MLLT10: variants seen among roughly 807,000 people sequenced by gnomAD.
MLLT10 encodes the protein protein AF-10.
MLLT10 carries 30 observed loss-of-function variants against 129.1 expected under a neutral mutation model. The ratio of observed to expected loss-of-function variants is 0.23; its 90% CI spans 0.17 to 0.32. The LOEUF is 0.32. Among genes scored for constraint, MLLT10 ranks in the 10% least tolerant of loss-of-function variants. The pLI, the probability that MLLT10 is intolerant of heterozygous loss-of-function variation, is 1.00. For synonymous variants in MLLT10, 490 were observed against 446.4 expected (o/e 1.10, Z -1.23); for missense variants, 1,119 against 1,268.3 (o/e 0.88, Z 1.79).
At chr10:21,552,334 G>A (rs2037189612) in intron 3 of MLLT10, among the ~76,000 whole-genome samples, 1 of 138,638 alleles carries the variant, frequency 7.2e-6, no homozygotes, top group East Asian at 2.1e-4. Context: ...AGCTTTCCTT[G>A]TGTTTTTTTT....
chr10:21,551,685 G>A (rs1052802968), intron 3 of MLLT10: 3 of 282,360 alleles, frequency 1.1e-5, no homozygotes, highest in Middle Eastern at 1.3e-3. Context: ...TAAGAGAATT[G>A]AAAACATAGA....
At chr10:21,620,050 C>A (rs1329192140) in intron 8 of MLLT10, among the ~76,000 whole-genome samples, 1 of 151,824 alleles carries the variant, frequency 6.6e-6, no homozygotes, top group African/African-American at 2.4e-5. Context: ...CTGCCTCAGC[C>A]TCTTGAGTAG....
chr10:21,534,499 GTGAC>G lies in MLLT10; in HGVS notation c.-18_-15del. The G allele has an allele frequency of 2.5e-6, 2 of 810,868 alleles. No homozygotes were observed. Among genetic ancestry groups the G allele is most frequent in the South Asian group, 1.8e-5 (1 of 54,916 alleles). 50.2% of individuals were successfully genotyped at this position (810,868 alleles called of 1,614,324 possible). On this transcript the variant is annotated 5_prime_UTR_variant, in exon 1 of 23. Coordinates refer to ENST00000307729, the MANE Select transcript of MLLT10 (RefSeq NM_001195626.3). ...CTCCTGACTCCTGTGCGGAACGTGA[GTGAC>G]TGAGCGGCAAAGCCCGAGTGAGCGA...
rs7082271 is a variant in MLLT10 at position 21,534,314 on chromosome 10, T to G, written c.-207T>G. On this transcript the variant is annotated 5_prime_UTR_variant, in exon 1 of 23. Transcript: ENST00000307729. ...CCCCTGGCCCAGCGGGAGCCCCCCC[T>G]CCCCCCAGTGCGCCTGTGCGGAGGC... 7.7e-5 allele frequency: 24 copies of G among 312,766 alleles called. 3 individuals are homozygous for G. Among genetic ancestry groups the G allele is most frequent in the Non-Finnish European group, 1.3e-4 (22 of 169,896 alleles). 19.4% of individuals were successfully genotyped at this position (312,766 alleles called of 1,614,324 possible).
Position 21,730,961 on chromosome 10 carries a change from C to T in MLLT10, c.2125C>T (p.Leu709=). ...ACCAGGCAACAGCAGTTTGGAAAAT[C>T]TGCCTCCAGTAGCAGCCAGCATAGA... ...DQPGNSSLEN[L]PPVAASIEQL... is the part of the protein sequence containing the mutation. Residue 709 remains leucine (L), a synonymous_variant, in exon 17 of 23, where the codon CTG becomes TTG. Coordinates refer to ENST00000307729, the MANE Select transcript of MLLT10 (RefSeq NM_001195626.3). The T allele has an allele frequency of 6.2e-7, 1 of 1,614,214 alleles. No individual in the cohort carries two copies. Among genetic ancestry groups the T allele is most frequent in the Non-Finnish European group, 8.5e-7 (1 of 1,180,038 alleles).
At chr10:21,621,934 A>T (rs2045901792) in intron 8 of MLLT10, among the ~76,000 whole-genome samples, 1 of 152,174 alleles carries the variant, frequency 6.6e-6, no homozygotes, top group South Asian at 2.1e-4. Context: ...TATCCAAATT[A>T]TTTAAAAATG....
intron 13 of MLLT10, among the ~76,000 whole-genome samples, chr10:21,698,945 G>T (rs1380872436): frequency 1.3e-5 from 2 of 152,194 alleles, no homozygotes; most frequent in Non-Finnish European, 2.9e-5. Context: ...CACAATCTTG[G>T]CTCACTGCAA....
rs770542564 is a variant in MLLT10 at position 21,726,329 on chromosome 10, T to C, written c.1964T>C (p.Ile655Thr). 10 of 1,612,034 alleles carry C rather than the reference T, an allele frequency of 6.2e-6. No homozygotes were observed. Among genetic ancestry groups the C allele is most frequent in the South Asian group, 2.2e-5 (2 of 90,988 alleles). The change falls in exon 15 of 23, where the codon ATA becomes ACA. Residue 655 changes from isoleucine to threonine, a missense_variant. Ile to Thr is a moderately conservative substitution (Grantham distance 89). This residue lies in a region of MLLT10 where 1,004 missense variants were observed against 1,008.7 expected (regional missense o/e 1.00). Transcript: ENST00000307729. ...NRSNSSMAAL[I>T]AQSENNQTDQ... is the part of the protein sequence containing the mutation. Reference sequence around the variant, plus strand: ...TCAAATTCATCAATGGCAGCTCTTATAGCTCAGTCTGAAAACAATCAAACA... The same window carrying C: ...TCAAATTCATCAATGGCAGCTCTTACAGCTCAGTCTGAAAACAATCAAACA...
At chr10:21,578,382 C>T (rs116419825) in intron 3 of MLLT10, among the ~76,000 whole-genome samples, 46 of 152,286 alleles carry the variant, frequency 3.0e-4, no homozygotes, top group African/African-American at 1.1e-3. Flanking sequence ...ACTTGTCAGA[C>T]ATGCGACTTG....
At chr10:21,670,342 C>CTTTA in intron 9 of MLLT10, 107 bp from the exon 10 acceptor site, 2 of 1,066,582 alleles carry the variant, frequency 1.9e-6, no homozygotes, top group Non-Finnish European at 2.6e-6. Flanking sequence ...AGAACAGAAA[C>CTTTA]TTTGTGTTTA....
At chr10:21,673,318 C>CAATT in intron 10 of MLLT10, 32 bp from the exon 11 acceptor site, 10 of 307,334 alleles carry the variant, frequency 3.3e-5, no homozygotes, top group East Asian at 7.1e-5. Flanking sequence ...CACCCCCCAA[C>CAATT]TTTTTTTTTT....
chr10:21,589,504 C>G (rs1252692520), intron 4 of MLLT10, among the ~76,000 whole-genome samples: 3 of 151,964 alleles, frequency 2.0e-5, no homozygotes, highest in Admixed American at 2.0e-4. Flanking sequence ...AACCTTCCAT[C>G]TTATTAAATA....
Position 21,743,136 on chromosome 10 carries a change from C to T in MLLT10, c.*1153C>T, listed in dbSNP as rs1833886270. The T allele has an allele frequency of 4.3e-6, 1 of 230,330 alleles. No homozygotes were observed. Among genetic ancestry groups the T allele is most frequent in the African/African-American group, 2.2e-5 (1 of 45,154 alleles). The allele number at this position is 230,330 out of a possible 1,614,324, so 14.3% of individuals were successfully genotyped here. A position where few individuals can be genotyped will look rare whatever the true frequency, so the allele number is the denominator to read the frequency against. ...GTGACAGTACCGCAGAGTGATTCCCCCACTGAGGATGTCATCATCAAACTC... is the reference window on the plus strand; with the variant it reads ...GTGACAGTACCGCAGAGTGATTCCCTCACTGAGGATGTCATCATCAAACTC... On this transcript the variant is annotated 3_prime_UTR_variant, in exon 23 of 23. Transcript: ENST00000307729.
chr10:21,707,069 A>C (rs2055584461), intron 13 of MLLT10, among the ~76,000 whole-genome samples: 1 of 151,762 alleles, frequency 6.6e-6, no homozygotes, highest in Non-Finnish European at 1.5e-5. Context: ...GAAAACTTCC[A>C]TTCCTCCTGT....
chr10:21,654,698 G>A (rs754760861), intron 9 of MLLT10, among the ~76,000 whole-genome samples: 4 of 152,186 alleles, frequency 2.6e-5, no homozygotes, highest in Non-Finnish European at 5.9e-5. Flanking sequence ...CTCTATGGAC[G>A]TGGGCACAGA....
chr10:21,677,597 G>C (rs576529986), intron 11 of MLLT10, among the ~76,000 whole-genome samples: 2 of 152,182 alleles, frequency 1.3e-5, no homozygotes, highest in Admixed American at 6.5e-5. Context: ...ATATTGCTTA[G>C]GGAATCATGA....
chr10:21,648,567 G>C (rs962478998), intron 8 of MLLT10, among the ~76,000 whole-genome samples: 3 of 152,178 alleles, frequency 2.0e-5, no homozygotes, highest in Non-Finnish European at 2.9e-5. Flanking sequence ...AGTAAAGGAG[G>C]ATAGAAAGGC....
chr10:21,702,459 T>C (rs570485507), intron 13 of MLLT10, among the ~76,000 whole-genome samples: 94 of 152,340 alleles, frequency 6.2e-4, no homozygotes, highest in South Asian at 3.5e-3. Flanking sequence ...TAAAGTCTAG[T>C]TGGAGTCCAG....
chr10:21,672,168 A>AGTGTGTGTGTGTGTGTGTGTGTGT (rs55769872), intron 10 of MLLT10, among the ~76,000 whole-genome samples: 13 of 134,374 alleles, frequency 9.7e-5, no homozygotes, highest in African/African-American at 3.5e-4. Flanking sequence ...CCAGGTTTTC[A>AGTGTGTGTGTGTGTGTGTGTGTGT]GTGTGTGTGT....
Sources: allele counts gnomAD v4.1 joint callset (sites outside exome capture counted in the v4.1 genomes callset), GRCh38; gene constraint gnomAD v4.1.1; regional missense constraint gnomAD v4.1.1; transcripts MANE v1.5; gene names NCBI Gene and HGNC (gene_info 2026-07-23, HGNC 2026-07-21).